The following PTPRD variants were observed in gnomAD, a reference collection of about 807,000 sequenced individuals.
PTPRD encodes the protein protein tyrosine phosphatase receptor type D.
In PTPRD, 34 loss-of-function variants were observed where a neutral mutation model predicts 214.5. The observed-to-expected ratio is 0.16, with a 90% CI of 0.12 to 0.21. The LOEUF (loss-of-function observed/expected upper bound fraction) is 0.21. Ranked by LOEUF, PTPRD falls within the 10% of genes least tolerant of loss-of-function variation. PTPRD has a pLI of 1.00. For missense variants in PTPRD, 2,545 were observed against 2,398.7 expected (o/e 1.06, Z -1.27); for synonymous variants, 1,128 against 845.7 (o/e 1.33, Z -5.79).
intron 11 of PTPRD, among the ~76,000 whole-genome samples, chr9:8,744,662 G>C (rs1314459327): frequency 6.6e-6 from 1 of 152,226 alleles, no homozygotes; most frequent in Non-Finnish European, 1.5e-5. Context: ...GCTGGCAGCA[G>C]GGTGAGGGAT....
rs1323100485 is a variant in PTPRD at position 8,449,786 on chromosome 9, C to G, written c.3927G>C (p.Glu1309Asp). The change falls in exon 34 of 46, where the codon GAG becomes GAC. Residue 1309 changes from glutamate (E) to aspartate (D), a missense_variant. Transcript: ENST00000381196. The part of the protein sequence containing the change: ...SRKSSIPNNK[E>D]IPSHHPTDPV... ...GGTCTGTTGGGTGGTGTGAAGGGATCTCCTTATTGTTCGGTATGCTGCTTT... is the reference window on the plus strand; with the variant it reads ...GGTCTGTTGGGTGGTGTGAAGGGATGTCCTTATTGTTCGGTATGCTGCTTT... 1.2e-6 allele frequency: 2 copies of G among 1,614,070 alleles called. No homozygotes were observed. Among genetic ancestry groups the G allele is most frequent in the Non-Finnish European group, 1.7e-6 (2 of 1,179,972 alleles).
intron 3 of PTPRD, among the ~76,000 whole-genome samples, chr9:10,088,949 T>G (rs1176848553): frequency 6.6e-6 from 1 of 151,530 alleles, no homozygotes; most frequent in Non-Finnish European, 1.5e-5. Flanking sequence ...ATTGTATGTT[T>G]TAAAGTGGTG....
chr9:9,168,863 T>G (rs2099909141), intron 10 of PTPRD, among the ~76,000 whole-genome samples: 1 of 151,902 alleles, frequency 6.6e-6, no homozygotes, highest in Non-Finnish European at 1.5e-5. Flanking sequence ...AAGTACTGTC[T>G]TTTAGATTTT....
intron 3 of PTPRD, among the ~76,000 whole-genome samples, chr9:10,109,681 C>T (rs1363797450): frequency 6.6e-6 from 1 of 152,114 alleles, no homozygotes. Flanking sequence ...GTTATTGGTA[C>T]CTGACAACGG....
rs565036839 is a variant in PTPRD, at chr9:9,683,013, C to T, written c.-287+51520G>A. On this transcript the variant is annotated intron_variant, in intron 7 of 45. Transcript: ENST00000381196. ...CCTTTTGTAATATAAGCTAGATAGA[C>T]ATATTGGGGGTTATAGTATAAAATC... Among the ~76,000 whole-genome samples, 3 of 151,792 alleles carry T rather than the reference C, an allele frequency of 2.0e-5. No individual in the cohort carries two copies. The East Asian group carries it at 5.8e-4, about 30-fold the overall frequency.
At chr9:9,895,372 G>C (rs1473623491) in intron 5 of PTPRD, among the ~76,000 whole-genome samples, 2 of 152,062 alleles carry the variant, frequency 1.3e-5, no homozygotes, top group Admixed American at 6.6e-5. Flanking sequence ...GATAAGCCAT[G>C]TATATACCAG....
chr9:9,449,980 G>A (rs1049055635), intron 8 of PTPRD, among the ~76,000 whole-genome samples: 4 of 151,858 alleles, frequency 2.6e-5, no homozygotes, highest in African/African-American at 9.7e-5. Flanking sequence ...GAGAATGAAC[G>A]ATATTTGGTT....
chr9:9,951,074 T>G (rs1292019635), intron 4 of PTPRD, among the ~76,000 whole-genome samples: 1 of 152,140 alleles, frequency 6.6e-6, no homozygotes. Flanking sequence ...AAATGCGTCA[T>G]AAGTACCAGG....
Position 8,948,419 on chromosome 9 carries a change from ATATATT to A in PTPRD, c.-104+70272_-104+70277del, listed in dbSNP as rs1467186878. Among the ~76,000 whole-genome samples the A allele has an allele frequency of 2.4e-3, 103 of 43,458 alleles. 6 individuals are homozygous for A. The highest frequency in any genetic ancestry group is 3.9e-3 in the Non-Finnish European group (84 of 21,670). The allele number at this position is 43,458 out of a possible 152,430, so 28.5% of individuals were successfully genotyped here. A position where few individuals can be genotyped will look rare whatever the true frequency, so the allele number is the denominator to read the frequency against. On this transcript the variant is annotated intron_variant, in intron 11 of 45. Coordinates refer to ENST00000381196, the MANE Select transcript of PTPRD (RefSeq NM_002839.4). The stretch of plus-strand genomic sequence containing the variant: ...CATTGGGTTTAAAATATATATATAT[ATATATT>A]TATATATATATTTACATATATATAT...
intron 4 of PTPRD, among the ~76,000 whole-genome samples, chr9:9,980,555 G>C (rs924864324): frequency 1.5e-5 from 2 of 131,700 alleles, no homozygotes; most frequent in African/African-American, 2.8e-5. Flanking sequence ...GTTGCAGTGA[G>C]CAGAGTTCAC....
intron 11 of PTPRD, among the ~76,000 whole-genome samples, chr9:9,011,854 C>T (rs929789151): frequency 1.3e-5 from 2 of 152,100 alleles, no homozygotes; most frequent in African/African-American, 4.8e-5. Context: ...TAAGGTCTTT[C>T]CTTTGGTCTC....
intron 10 of PTPRD, among the ~76,000 whole-genome samples, chr9:9,044,503 C>T (rs760046902): frequency 7.2e-5 from 11 of 152,182 alleles, no homozygotes; most frequent in Non-Finnish European, 1.5e-4. Flanking sequence ...TGGTTGCTTG[C>T]TCATTTTGTG....
chr9:9,596,362 G>A (rs750356408), intron 7 of PTPRD, among the ~76,000 whole-genome samples: 13 of 151,666 alleles, frequency 8.6e-5, no homozygotes, highest in South Asian at 2.1e-4. Context: ...TTACATATTC[G>A]GTAAAATATC....
intron 25 of PTPRD, among the ~76,000 whole-genome samples, chr9:8,498,752 C>T (rs1158578902): frequency 6.6e-6 from 1 of 152,162 alleles, no homozygotes; most frequent in Non-Finnish European, 1.5e-5. Flanking sequence ...CCATTTGACA[C>T]AGCAAAGGTA....
chr9:9,801,475 G>A (rs1281100417), intron 5 of PTPRD, among the ~76,000 whole-genome samples: 1 of 151,992 alleles, frequency 6.6e-6, no homozygotes, highest in African/African-American at 2.4e-5. Flanking sequence ...ATCTCACTGA[G>A]GCTCTTATTA....
intron 5 of PTPRD, among the ~76,000 whole-genome samples, chr9:9,772,513 T>C (rs1043197404): frequency 1.3e-5 from 2 of 152,166 alleles, no homozygotes; most frequent in Admixed American, 6.5e-5. Flanking sequence ...AGAAGCTCTC[T>C]TGATATTCCT....
chr9:8,519,536 G>A (rs1425492149), intron 20 of PTPRD, among the ~76,000 whole-genome samples: 1 of 152,064 alleles, frequency 6.6e-6, no homozygotes, highest in Non-Finnish European at 1.5e-5. Flanking sequence ...CCAACATAAA[G>A]GCAAGAAGTA....
At chr9:9,826,413 T>A (rs746893899) in intron 5 of PTPRD, among the ~76,000 whole-genome samples, 1 of 152,000 alleles carries the variant, frequency 6.6e-6, no homozygotes, top group East Asian at 1.9e-4. Flanking sequence ...AAATACAATT[T>A]TGAAGTATTT....
chr9:8,537,929 T>A (rs16928116), intron 14 of PTPRD, among the ~76,000 whole-genome samples: 1 of 152,032 alleles, frequency 6.6e-6, no homozygotes, highest in African/African-American at 2.4e-5. Context: ...CATACTGTTA[T>A]TAGTGCTCGG....
Sources: gnomAD v4.1 joint callset for allele counts (sites outside exome capture counted in the v4.1 genomes callset) on GRCh38, gnomAD v4.1.1 for gene constraint, MANE v1.5 for transcripts, NCBI Gene and HGNC (gene_info 2026-07-23, HGNC 2026-07-21) for gene names.